The following SGCD variants were observed in gnomAD, a reference collection of about 807,000 sequenced individuals.
The protein encoded by SGCD is delta-sarcoglycan.
A neutral mutation model predicts 36.6 loss-of-function variants in SGCD; 18 were observed. The observed-to-expected ratio is 0.49, with a 90% confidence interval of 0.34 to 0.73. The LOEUF (loss-of-function observed/expected upper bound fraction) is 0.73, where lower values mean the gene tolerates loss of function less well. Among genes scored for constraint, SGCD ranks in the 30% least tolerant of loss-of-function variants. The probability of loss-of-function intolerance (pLI) is 0.01; values close to 1 mark genes in which losing one functional copy is unlikely to be tolerated. For missense variants in SGCD, 387 were observed against 346.7 expected, an observed-to-expected ratio of 1.12 and a Z score of -0.92; for synonymous variants, 133 against 130.6, an observed-to-expected ratio of 1.02 and a Z score of -0.12.
At chr5:156,364,852 T>G (rs1770004543) in intron 3 of SGCD, among the ~76,000 whole-genome samples, 1 of 152,218 alleles carries the variant, frequency 6.6e-6, no homozygotes, top group Admixed American at 6.5e-5. Context: ...TCTCCAGAAC[T>G]GTAGAGAGCC....
chr5:155,964,581 C>A (rs1757865908), intron 1 of SGCD, among the ~76,000 whole-genome samples: 1 of 152,028 alleles, frequency 6.6e-6, no homozygotes, highest in African/African-American at 2.4e-5. Flanking sequence ...CAAGCCTTGG[C>A]CTCCCAAAGT....
chr5:155,753,860 C>T, the SGCD span, among the ~76,000 whole-genome samples: 1 of 152,158 alleles, frequency 6.6e-6, no homozygotes, highest in African/African-American at 2.4e-5. Flanking sequence ...CCCAGGTCCT[C>T]CTCCCAAATG....
At chr5:155,991,718 T>C (rs1758435559) in intron 1 of SGCD, among the ~76,000 whole-genome samples, 1 of 152,224 alleles carries the variant, frequency 6.6e-6, no homozygotes, top group African/African-American at 2.4e-5. Context: ...TTCAACATTA[T>C]CTCAGTTTAT....
intron 1 of SGCD, among the ~76,000 whole-genome samples, chr5:155,875,914 T>C (rs1216036938): frequency 2.0e-5 from 3 of 152,056 alleles, no homozygotes. Context: ...CGAGGACTGA[T>C]GAGCAAATAA....
chr5:156,393,037 C>G (rs114027505), intron 3 of SGCD, among the ~76,000 whole-genome samples: 1 of 152,114 alleles, frequency 6.6e-6, no homozygotes, highest in Admixed American at 6.5e-5. Flanking sequence ...TGGGCACAGG[C>G]CCAGGGTTGG....
chr5:155,860,080 AGAG>A, the SGCD span, among the ~76,000 whole-genome samples: 2 of 146,070 alleles, frequency 1.4e-5, no homozygotes, highest in African/African-American at 5.6e-5. Context: ...GGAGGCAGAG[AGAG>A]AACAATTTAC....
At chr5:156,389,374 C>A (rs1402858797) in intron 3 of SGCD, among the ~76,000 whole-genome samples, 3 of 152,188 alleles carry the variant, frequency 2.0e-5, no homozygotes, top group Admixed American at 6.5e-5. Context: ...GACTGGATGC[C>A]TACCCCAGAC....
intron 4 of SGCD, among the ~76,000 whole-genome samples, chr5:156,537,459 C>CCACACACACACA (rs769070218): frequency 0.012 from 1,558 of 125,870 alleles, 21 homozygotes; most frequent in Non-Finnish European, 0.016. Context: ...AAGGTAGCAG[C>CCACACACACACA]CACACACACA....
chr5:156,200,433 A>G (rs1764118984), intron 3 of SGCD, among the ~76,000 whole-genome samples: 1 of 152,178 alleles, frequency 6.6e-6, no homozygotes, highest in Non-Finnish European at 1.5e-5. Flanking sequence ...TCTCTTCGAT[A>G]GATGATGCTG....
intron 3 of SGCD, among the ~76,000 whole-genome samples, chr5:156,470,979 G>A (rs1443691059): frequency 6.6e-6 from 1 of 151,784 alleles, no homozygotes; most frequent in Non-Finnish European, 1.5e-5. Flanking sequence ...TTTTTTTGAT[G>A]TTGAATCTGA....
chr5:156,068,160 T>C (rs1281158058), intron 1 of SGCD, among the ~76,000 whole-genome samples: 1 of 151,898 alleles, frequency 6.6e-6, no homozygotes, highest in East Asian at 1.9e-4. Context: ...TTAGGGTACA[T>C]GTGCACAATG....
intron 4 of SGCD, among the ~76,000 whole-genome samples, chr5:156,550,124 A>T (rs2113194461): frequency 6.6e-6 from 1 of 152,340 alleles, no homozygotes; most frequent in South Asian, 2.1e-4. Flanking sequence ...ATTTAAAACC[A>T]GGAAACTCTT....
chr5:156,214,858 C>T (rs1764534369), intron 3 of SGCD, among the ~76,000 whole-genome samples: 1 of 151,972 alleles, frequency 6.6e-6, no homozygotes, highest in Non-Finnish European at 1.5e-5. Context: ...AAGACAGTAT[C>T]TTCAATAAAT....
At chr5:155,809,050 G>A in the SGCD span, among the ~76,000 whole-genome samples, 3 of 152,212 alleles carry the variant, frequency 2.0e-5, no homozygotes, top group Admixed American at 1.3e-4. Flanking sequence ...ACTCAGCTAT[G>A]CAGCTGTGGA....
At chr5:156,644,926 AT>A (rs11296311) in intron 6 of SGCD, among the ~76,000 whole-genome samples, 108,928 of 146,310 alleles carry the variant, frequency 0.74, 40,528 homozygotes, top group Non-Finnish European at 0.79. Context: ...TGCATTTGAG[AT>A]TTTTTTTTTT....
At chr5:156,394,975 T>C (rs1470247784) in intron 3 of SGCD, among the ~76,000 whole-genome samples, 1 of 152,220 alleles carries the variant, frequency 6.6e-6, no homozygotes, top group Non-Finnish European at 1.5e-5. Flanking sequence ...GCTTTATCCG[T>C]GTATTGAAAA....
chr5:156,459,075 G>A (rs1180833211), intron 3 of SGCD, among the ~76,000 whole-genome samples: 3 of 151,996 alleles, frequency 2.0e-5, no homozygotes, highest in Non-Finnish European at 4.4e-5. Flanking sequence ...AGATGCCAAA[G>A]TGAAGGGAAA....
chr5:155,838,149 T>G, the SGCD span, among the ~76,000 whole-genome samples: 1,706 of 152,322 alleles, frequency 0.011, 15 homozygotes, highest in Non-Finnish European at 0.018. Context: ...CTCTAAAAGA[T>G]AAGCACTTTT....
chr5:156,242,322 G>T (rs1765325407), intron 3 of SGCD, among the ~76,000 whole-genome samples: 1 of 152,152 alleles, frequency 6.6e-6, no homozygotes, highest in Non-Finnish European at 1.5e-5. Context: ...CAGGATTAAA[G>T]GTGGTGGTGG....
Sources: allele counts gnomAD v4.1 joint callset (sites outside exome capture counted in the v4.1 genomes callset), GRCh38; gene constraint gnomAD v4.1.1; transcripts MANE v1.5; gene names NCBI Gene and HGNC (gene_info 2026-07-23, HGNC 2026-07-21).